The following ZFPM2 variants were observed in gnomAD, a reference collection of about 807,000 sequenced individuals.
The protein encoded by ZFPM2 is zinc finger protein ZFPM2.
Under a neutral mutation model 98.6 loss-of-function variants are expected in ZFPM2, and 20 were observed. The ratio of observed to expected loss-of-function variants is 0.20; its 90% confidence interval spans 0.14 to 0.29. The LOEUF (loss-of-function observed/expected upper bound fraction) is 0.29. Among genes scored for constraint, ZFPM2 ranks in the 10% least tolerant of loss-of-function variants. The probability of loss-of-function intolerance (pLI) is 1.00; values close to 1 mark genes in which losing one functional copy is unlikely to be tolerated. For missense variants in ZFPM2, 1,310 were observed against 1,388.6 expected, an observed-to-expected ratio of 0.94 and a Z score of 0.90; for synonymous variants, 518 against 502.7, an observed-to-expected ratio of 1.03 and a Z score of -0.41.
intron 4 of ZFPM2, among the ~76,000 whole-genome samples, chr8:105,577,788 A>G (rs998791438): frequency 5.3e-5 from 8 of 151,786 alleles, no homozygotes; most frequent in Admixed American, 2.6e-4. Flanking sequence ...AAAAAAAAAA[A>G]AGTGAGAAAT....
intron 5 of ZFPM2, among the ~76,000 whole-genome samples, chr8:105,708,712 G>A (rs1270718065): frequency 6.6e-6 from 1 of 152,134 alleles, no homozygotes; most frequent in Non-Finnish European, 1.5e-5. Context: ...CCATAGTGCT[G>A]GGATTATTGG....
At chr8:105,782,795 C>T (rs1033530167) in intron 5 of ZFPM2, among the ~76,000 whole-genome samples, 35 of 151,996 alleles carry the variant, frequency 2.3e-4, no homozygotes, top group African/African-American at 8.0e-4. Flanking sequence ...TACAGAATTC[C>T]ATTTGTTTTC....
chr8:105,374,076 C>A (rs190176365), intron 1 of ZFPM2, among the ~76,000 whole-genome samples: 1 of 152,264 alleles, frequency 6.6e-6, no homozygotes, highest in African/African-American at 2.4e-5. Flanking sequence ...GATGTCAATT[C>A]TCTTTCCCTT....
At chr8:105,364,117 A>G (rs1412391402) in intron 1 of ZFPM2, among the ~76,000 whole-genome samples, 2 of 152,094 alleles carry the variant, frequency 1.3e-5, no homozygotes, top group Non-Finnish European at 2.9e-5. Flanking sequence ...GGATATTTTT[A>G]TAGGCATATT....
At chr8:105,763,060 C>CTT (rs1213643643) in intron 5 of ZFPM2, among the ~76,000 whole-genome samples, 1 of 139,446 alleles carries the variant, frequency 7.2e-6, no homozygotes, top group Non-Finnish European at 1.6e-5. Flanking sequence ...TTATTTCTTT[C>CTT]TTTTTTTTTT....
chr8:105,421,027 T>C (rs1165783839), intron 2 of ZFPM2, among the ~76,000 whole-genome samples: 1 of 152,118 alleles, frequency 6.6e-6, no homozygotes, highest in Non-Finnish European at 1.5e-5. Context: ...AACTTTTCAT[T>C]AAACTTTCAA....
chr8:105,627,444 A>T (rs556604670), intron 4 of ZFPM2, among the ~76,000 whole-genome samples: 206 of 152,258 alleles, frequency 1.4e-3, no homozygotes, highest in African/African-American at 4.7e-3. Context: ...AAGACATTCC[A>T]GTTTAAGTGA....
intron 5 of ZFPM2, among the ~76,000 whole-genome samples, chr8:105,690,708 G>C (rs1810859714): frequency 6.6e-6 from 1 of 151,938 alleles, no homozygotes; most frequent in South Asian, 2.1e-4. Flanking sequence ...AAATCCCCAG[G>C]GTTATGTCTT....
At chr8:105,444,144 A>G in intron 2 of ZFPM2, 136 bp from the exon 3 acceptor site, 1 of 656,488 alleles carries the variant, frequency 1.5e-6, no homozygotes, top group South Asian at 2.0e-5. Flanking sequence ...AGTCATGAAC[A>G]TTTATTAGTG....
intron 3 of ZFPM2, among the ~76,000 whole-genome samples, chr8:105,547,271 G>T (rs1343274402): frequency 6.6e-6 from 1 of 151,968 alleles, no homozygotes; most frequent in Admixed American, 6.6e-5. Context: ...GGCCAGGCCT[G>T]GTGGCTCACA....
chr8:105,647,937 C>T (rs1256537837), intron 5 of ZFPM2, among the ~76,000 whole-genome samples: 1 of 152,096 alleles, frequency 6.6e-6, no homozygotes, highest in East Asian at 1.9e-4. Context: ...GTTCTAGATC[C>T]TTGAGGAATC....
intron 1 of ZFPM2, among the ~76,000 whole-genome samples, chr8:105,347,554 C>G (rs928539731): frequency 6.6e-6 from 1 of 152,096 alleles, no homozygotes; most frequent in African/African-American, 2.4e-5. Flanking sequence ...GTTTTAACAT[C>G]TAGTAGTATG....
intron 4 of ZFPM2, among the ~76,000 whole-genome samples, chr8:105,585,717 A>G (rs62527232): frequency 0.18 from 27,918 of 152,058 alleles, 2,687 homozygotes; most frequent in Middle Eastern, 0.24. Context: ...AATATAGTAT[A>G]GTAATATAGT....
intron 1 of ZFPM2, among the ~76,000 whole-genome samples, chr8:105,361,173 G>C (rs1586316616): frequency 1.5e-5 from 1 of 66,296 alleles, no homozygotes; most frequent in Non-Finnish European, 3.1e-5. Context: ...ATTCTAACTG[G>C]GGTGAGATGG....
intron 4 of ZFPM2, among the ~76,000 whole-genome samples, chr8:105,571,140 A>T (rs1815346153): frequency 6.6e-6 from 1 of 152,210 alleles, no homozygotes; most frequent in African/African-American, 2.4e-5. Context: ...AAGGATGAAG[A>T]ATCACTATTG....
intron 3 of ZFPM2, among the ~76,000 whole-genome samples, chr8:105,544,707 TC>T (rs1814654926): frequency 6.6e-6 from 1 of 152,190 alleles, no homozygotes; most frequent in African/African-American, 2.4e-5. Context: ...TTAATAATCT[TC>T]AGCTGAGCAA....
chr8:105,793,905 C>T (rs7834155), intron 6 of ZFPM2, among the ~76,000 whole-genome samples: 13,708 of 151,158 alleles, frequency 0.091, 2,082 homozygotes, highest in African/African-American at 0.31. Context: ...ACGTAGTTCT[C>T]GAGCCTTGGC....
At chr8:105,429,324 C>T (rs540482862) in intron 2 of ZFPM2, among the ~76,000 whole-genome samples, 2 of 151,818 alleles carry the variant, frequency 1.3e-5, no homozygotes, top group African/African-American at 4.8e-5. Flanking sequence ...CGTATGTGAT[C>T]ATGCATGTAT....
intron 4 of ZFPM2, among the ~76,000 whole-genome samples, chr8:105,606,604 A>C (rs1816202474): frequency 6.6e-6 from 1 of 152,122 alleles, no homozygotes; most frequent in Non-Finnish European, 1.5e-5. Context: ...GCTGGCACAG[A>C]GCAAGCACTC....
Sources: allele counts gnomAD v4.1 joint callset (sites outside exome capture counted in the v4.1 genomes callset), GRCh38; gene constraint gnomAD v4.1.1; transcripts MANE v1.5; gene names NCBI Gene and HGNC (gene_info 2026-07-23, HGNC 2026-07-21).